ACADSB: variants seen among roughly 807,000 people sequenced by gnomAD.
ACADSB encodes acyl-CoA dehydrogenase short/branched chain, also known as short/branched chain specific acyl-CoA dehydrogenase, mitochondrial.
ACADSB carries 40 observed loss-of-function variants against 54.1 expected under a neutral mutation model. The observed-to-expected ratio is 0.74, with a 90% CI of 0.57 to 0.96. The LOEUF (loss-of-function observed/expected upper bound fraction) is 0.96, where lower values mean the gene tolerates loss of function less well. Among genes scored for constraint, ACADSB ranks in the 40% least tolerant of loss-of-function variants. The pLI is 0.00. For synonymous variants in ACADSB, 182 were observed against 182.8 expected (o/e 1.00, Z 0.03); for missense variants, 530 against 510.4 (o/e 1.04, Z -0.37).
chr10:123,010,672 A>G (rs1175139099), intron 1 of ACADSB, among the ~76,000 whole-genome samples: 1 of 152,138 alleles, frequency 6.6e-6, no homozygotes, highest in Non-Finnish European at 1.5e-5. Context: ...AAATGAGCTC[A>G]TATGTTCATG....
At chr10:123,025,215 C>T (rs558523514) in intron 1 of ACADSB, among the ~76,000 whole-genome samples, 74 of 152,274 alleles carry the variant, frequency 4.9e-4, no homozygotes, top group African/African-American at 1.6e-3. Context: ...CTGCACTTTG[C>T]GGGGGCCTAG....
Position 123,030,637 on chromosome 10 carries a change from A to G in ACADSB, c.43-3719A>G, listed in dbSNP as rs182876184. 8.4e-4 allele frequency among the ~76,000 whole-genome samples: 128 copies of G among 152,238 alleles called. 1 individual carries two copies. Among genetic ancestry groups the G allele is most frequent in the East Asian group, 2.7e-3 (14 of 5,186 alleles). On this transcript the variant is annotated intron_variant, in intron 1 of 10. Transcript: ENST00000358776. ...GAGAAGCTTCAGGAGACAACACAAT[A>G]TCTCTGATATGTCTTCCTTTGCCTT...
chr10:123,047,123 A>G, intron 7 of ACADSB, 86 bp from the exon 8 acceptor site: 1 of 1,136,296 alleles, frequency 8.8e-7, no homozygotes, highest in African/African-American at 1.5e-5. Context: ...CAATCATTCA[A>G]TTTATGTTTA....
intron 1 of ACADSB, among the ~76,000 whole-genome samples, chr10:123,011,108 T>C (rs1449985725): frequency 6.6e-6 from 1 of 152,164 alleles, no homozygotes; most frequent in Admixed American, 6.6e-5. Context: ...TGCCACAGTG[T>C]AGGTAGATGG....
chr10:123,009,093 G>T, intron 1 of ACADSB, 22 bp downstream of exon 1: 1 of 1,543,852 alleles, frequency 6.5e-7, no homozygotes, highest in Non-Finnish European at 8.7e-7. Flanking sequence ...CGAGGCTGGC[G>T]TCCTGGGGGC....
At position 123,037,814 on chromosome 10, in the gene ACADSB, G is replaced by A; in HGVS notation, c.270G>A (p.Glu90=). 6.2e-7 allele frequency: 1 copy of A among 1,609,506 alleles called. No homozygotes were observed. Among genetic ancestry groups the A allele is most frequent in the Non-Finnish European group, 8.5e-7 (1 of 1,176,078 alleles). ...VSTMDENSKM[E]KSVIQGLFQQ... ...CCATGGATGAAAATTCGAAAATGGA[G>A]AAATCAGTAATACAAGGATTATTTC... The change falls in exon 3 of 11, where the codon GAG becomes GAA. Residue 90 remains glutamate, a synonymous_variant. Coordinates refer to ENST00000358776, the MANE Select transcript of ACADSB (RefSeq NM_001609.4).
Position 123,045,380 on chromosome 10 carries a change from C to T in ACADSB, c.900+895C>T, listed in dbSNP as rs536785299. Reference sequence around the variant, plus strand: ...TATTTTTAGTAGAGATGAGGTTTCACCATGTTAGCCAGGATGGTCTCAATC... The same window carrying T: ...TATTTTTAGTAGAGATGAGGTTTCATCATGTTAGCCAGGATGGTCTCAATC... On this transcript the variant is annotated intron_variant, in intron 7 of 10. Coordinates refer to ENST00000358776, the MANE Select transcript of ACADSB (RefSeq NM_001609.4). Among the ~76,000 whole-genome samples the T allele has an allele frequency of 2.0e-5, 3 of 151,144 alleles. No individual in the cohort carries two copies. In the South Asian group the frequency reaches 6.2e-4, roughly 31 times the overall value.
chr10:123,013,713 G>C (rs1194774108), intron 1 of ACADSB, among the ~76,000 whole-genome samples: 1 of 152,242 alleles, frequency 6.6e-6, no homozygotes, highest in Non-Finnish European at 1.5e-5. Flanking sequence ...GCACTGCTGG[G>C]GGACCCGGCG....
chr10:123,032,516 C>T (rs906730717), intron 1 of ACADSB, among the ~76,000 whole-genome samples: 4 of 151,872 alleles, frequency 2.6e-5, no homozygotes, highest in South Asian at 2.1e-4. Context: ...CCATTCAAGG[C>T]TCCACCACCA....
At chr10:123,026,230 T>C (rs1850249716) in intron 1 of ACADSB, among the ~76,000 whole-genome samples, 2 of 152,166 alleles carry the variant, frequency 1.3e-5, no homozygotes, top group Non-Finnish European at 2.9e-5. Flanking sequence ...AATTTTAAAC[T>C]GAAAACATCC....
Position 123,053,907 on chromosome 10 carries a change from G to C in ACADSB, c.*142G>C. Reference sequence around the variant, plus strand: ...TAATGAAGCCCTTAGTCAGGGTCCTGGTGTTGGCCTTTTTGGTTTTCTCTT... The same window carrying C: ...TAATGAAGCCCTTAGTCAGGGTCCTCGTGTTGGCCTTTTTGGTTTTCTCTT... On this transcript the variant is annotated 3_prime_UTR_variant, in exon 11 of 11. Transcript: ENST00000358776. 1.3e-6 allele frequency: 1 copy of C among 788,632 alleles called. No individual in the cohort carries two copies. The highest frequency in any genetic ancestry group is 1.5e-5 in the South Asian group (1 of 66,336). The allele number at this position is 788,632 out of a possible 1,614,324, so 48.9% of individuals were successfully genotyped here. A position where few individuals can be genotyped will look rare whatever the true frequency, so the allele number is the denominator to read the frequency against.
Position 123,051,189 on chromosome 10 carries a change from A to T in ACADSB, c.1128+3A>T, listed in dbSNP as rs760423996. Reference sequence around the variant, plus strand: ...TGGCCAAATACTATGCATCAGAGGTAAAAAAAAAAAAAAAAAAAAAAAAGG... The same window carrying T: ...TGGCCAAATACTATGCATCAGAGGTTAAAAAAAAAAAAAAAAAAAAAAAGG... On this transcript the variant is annotated splice_donor_region_variant and intron_variant, in intron 9 of 10. Transcript: ENST00000358776. 18 of 75,218 alleles carry T rather than the reference A, an allele frequency of 2.4e-4. No individual in the cohort carries two copies. The highest frequency in any genetic ancestry group is 5.4e-4 in the South Asian group (3 of 5,606). 4.7% of individuals were successfully genotyped at this position (75,218 alleles called of 1,614,324 possible). A position where few individuals can be genotyped will look rare whatever the true frequency, so the allele number is the denominator to read the frequency against.
intron 5 of ACADSB, among the ~76,000 whole-genome samples, chr10:123,042,029 G>A (rs1850482365): frequency 1.4e-5 from 2 of 146,648 alleles, no homozygotes; most frequent in Non-Finnish European, 3.0e-5. Flanking sequence ...GCAGTGGTGT[G>A]ATCTCACCTC....
At chr10:123,019,590 C>T (rs1391299165) in intron 1 of ACADSB, among the ~76,000 whole-genome samples, 1 of 152,164 alleles carries the variant, frequency 6.6e-6, no homozygotes, top group Non-Finnish European at 1.5e-5. Flanking sequence ...TATGAGAACC[C>T]TTTTTTCATG....
chr10:123,022,902 T>C (rs1951695548), intron 1 of ACADSB, among the ~76,000 whole-genome samples: 1 of 152,238 alleles, frequency 6.6e-6, no homozygotes, highest in Non-Finnish European at 1.5e-5. Context: ...GATTTTAATT[T>C]ACACAAAAAA....
At position 123,058,197 on chromosome 10, in the gene ACADSB, G is replaced by A. The variant is rs907308323; in HGVS notation, c.*4432G>A. On this transcript the variant is annotated 3_prime_UTR_variant, in exon 11 of 11. Coordinates refer to ENST00000358776, the MANE Select transcript of ACADSB (RefSeq NM_001609.4). ...TTCATAAAGCAGAATGGTATGTATC[G>A]GATTGTTTTAATGTTATATATTGGA... 6.6e-6 allele frequency: 1 copy of A among 151,926 alleles called. No individual in the cohort carries two copies. The highest frequency in any genetic ancestry group is 1.9e-4 in the East Asian group (1 of 5,188). 9.4% of individuals were successfully genotyped at this position (151,926 alleles called of 1,614,324 possible). A position where few individuals can be genotyped will look rare whatever the true frequency, so the allele number is the denominator to read the frequency against.
In ACADSB at chr10:123,056,982, G is replaced by A. The variant is rs545706263; in HGVS notation, c.*3217G>A. 1 of 152,746 alleles carries A rather than the reference G, an allele frequency of 6.5e-6. No homozygotes were observed. The highest frequency in any genetic ancestry group is 2.1e-4 in the South Asian group (1 of 4,828). 9.5% of individuals were successfully genotyped at this position (152,746 alleles called of 1,614,324 possible). A position where few individuals can be genotyped will look rare whatever the true frequency, so the allele number is the denominator to read the frequency against. On this transcript the variant is annotated 3_prime_UTR_variant, in exon 11 of 11. Transcript: ENST00000358776. ...CTTGACTTTCAAATGGAGAGATGATGAAAACCCACTCATTCACTCTTTCAG... is the reference window on the plus strand; with the variant it reads ...CTTGACTTTCAAATGGAGAGATGATAAAAACCCACTCATTCACTCTTTCAG...
At chr10:123,013,881 C>T (rs61863200) in intron 1 of ACADSB, among the ~76,000 whole-genome samples, 21,606 of 152,226 alleles carry the variant, frequency 0.14, 1,656 homozygotes, top group South Asian at 0.23. Context: ...GCCCATGCCT[C>T]TCCCTCCACA....
chr10:123,018,832 A>T (rs572649088), intron 1 of ACADSB, among the ~76,000 whole-genome samples: 1 of 152,160 alleles, frequency 6.6e-6, no homozygotes, highest in East Asian at 1.9e-4. Context: ...CTTATTCACT[A>T]TCACGAGAAC....
Sources: gnomAD v4.1 joint callset for allele counts (sites outside exome capture counted in the v4.1 genomes callset) on GRCh38, gnomAD v4.1.1 for gene constraint, MANE v1.5 for transcripts, NCBI Gene and HGNC (gene_info 2026-07-23, HGNC 2026-07-21) for gene names.